The following TRAK1 variants were observed in gnomAD, a reference collection of about 807,000 sequenced individuals.
The protein encoded by TRAK1 is trafficking kinesin-binding protein 1.
Under a neutral mutation model 92.1 loss-of-function variants are expected in TRAK1, and 33 were observed. The ratio of observed to expected loss-of-function variants is 0.36; its 90% CI spans 0.27 to 0.48. The LOEUF is 0.48. Among genes scored for constraint, TRAK1 ranks in the 20% least tolerant of loss-of-function variants. TRAK1 has a pLI of 0.99. For missense variants in TRAK1, 1,123 were observed against 1,257.9 expected (o/e 0.89, Z 1.62); for synonymous variants, 521 against 517.3 (o/e 1.01, Z -0.10).
chr3:42,073,635 G>A (rs1384419968), intron 1 of TRAK1, among the ~76,000 whole-genome samples: 2 of 152,164 alleles, frequency 1.3e-5, no homozygotes, highest in East Asian at 1.9e-4. Context: ...GGCGGATAAC[G>A]GCTTCTTGAC....
At chr3:42,175,974 G>A (rs577516098) in intron 2 of TRAK1, among the ~76,000 whole-genome samples, 9 of 152,248 alleles carry the variant, frequency 5.9e-5, no homozygotes, top group African/African-American at 1.9e-4. Context: ...TAAAACTTAC[G>A]CTACCTTCTT....
chr3:42,209,160 G>A (rs3733052), intron 13 of TRAK1, among the ~76,000 whole-genome samples: 34,331 of 152,010 alleles, frequency 0.23, 4,398 homozygotes, highest in East Asian at 0.46. Flanking sequence ...TCCCTAACCC[G>A]GCAGCCTCTC....
At chr3:42,178,653 C>T (rs541502178) in intron 3 of TRAK1, among the ~76,000 whole-genome samples, 10 of 152,084 alleles carry the variant, frequency 6.6e-5, no homozygotes, top group African/African-American at 2.4e-4. Flanking sequence ...TTATATTGCC[C>T]AGGCTGATAT....
intron 1 of TRAK1, among the ~76,000 whole-genome samples, chr3:42,018,220 A>G (rs1398824999): frequency 6.6e-6 from 1 of 151,470 alleles, no homozygotes; most frequent in East Asian, 1.9e-4. Context: ...GTGAGCCATT[A>G]TTGCACCATT....
intron 10 of TRAK1, among the ~76,000 whole-genome samples, chr3:42,197,580 A>G (rs6769919): frequency 0.7 from 107,004 of 152,126 alleles, 38,093 homozygotes; most frequent in East Asian, 0.98. Context: ...TTTCTTCTCT[A>G]TTTGTAAATT....
intron 1 of TRAK1, among the ~76,000 whole-genome samples, chr3:42,112,464 G>A (rs1174878330): frequency 6.6e-6 from 1 of 150,760 alleles, no homozygotes; most frequent in Admixed American, 6.6e-5. Flanking sequence ...GTCAGGAGCA[G>A]TGGCTCATGC....
intron 14 of TRAK1, chr3:42,211,927 C>T (rs1416031528): frequency 2.0e-6 from 2 of 985,158 alleles, no homozygotes; most frequent in Non-Finnish European, 2.4e-6. Flanking sequence ...AAAGAATTAC[C>T]TAGGTTGCCA....
chr3:42,100,086 C>A (rs993698831), intron 1 of TRAK1, among the ~76,000 whole-genome samples: 13 of 152,102 alleles, frequency 8.5e-5, no homozygotes, highest in Admixed American at 8.5e-4. Context: ...AGGGTTAGGA[C>A]CAGTGGCTCA....
At chr3:42,113,073 A>C (rs1708672935) in intron 1 of TRAK1, among the ~76,000 whole-genome samples, 1 of 151,926 alleles carries the variant, frequency 6.6e-6, no homozygotes, top group African/African-American at 2.4e-5. Flanking sequence ...ACTTGGCCTA[A>C]CAATGTCATT....
chr3:42,129,477 T>C (rs1005346642), intron 2 of TRAK1, among the ~76,000 whole-genome samples: 1 of 152,124 alleles, frequency 6.6e-6, no homozygotes, highest in Admixed American at 6.6e-5. Flanking sequence ...TGGCCCTCAC[T>C]TGACTTCCTA....
intron 1 of TRAK1, among the ~76,000 whole-genome samples, chr3:42,073,986 C>A (rs556061085): frequency 4.4e-4 from 67 of 152,264 alleles, no homozygotes; most frequent in African/African-American, 1.6e-3. Flanking sequence ...CTTTGAGTTC[C>A]TTTGCCCCTG....
At chr3:42,167,881 A>G (rs751601595) in intron 2 of TRAK1, among the ~76,000 whole-genome samples, 8 of 152,220 alleles carry the variant, frequency 5.3e-5, no homozygotes, top group Admixed American at 2.0e-4. Flanking sequence ...ACTCCATCTC[A>G]AAAACAACAG....
chr3:42,116,886 C>T (rs1709232151), intron 1 of TRAK1, among the ~76,000 whole-genome samples: 1 of 152,166 alleles, frequency 6.6e-6, no homozygotes, highest in Non-Finnish European at 1.5e-5. Context: ...TTTTCTTGTT[C>T]TTTGTCACCT....
chr3:42,132,764 A>G (rs544853616), intron 2 of TRAK1, among the ~76,000 whole-genome samples: 1 of 152,084 alleles, frequency 6.6e-6, no homozygotes, highest in African/African-American at 2.4e-5. Flanking sequence ...CCTCTCTCCC[A>G]AGGCTGTAAT....
intron 2 of TRAK1, among the ~76,000 whole-genome samples, chr3:42,135,876 T>C (rs894408962): frequency 6.6e-6 from 1 of 152,210 alleles, no homozygotes; most frequent in Admixed American, 6.5e-5. Context: ...ACTGCCTGAA[T>C]ATGTTGCCAG....
intron 1 of TRAK1, among the ~76,000 whole-genome samples, chr3:42,066,454 G>C (rs77488722): frequency 5.3e-5 from 8 of 152,028 alleles, no homozygotes; most frequent in African/African-American, 1.9e-4. Context: ...AGCACCCAGC[G>C]TGGGAAGGCT....
chr3:42,060,857 C>G (rs933583489), intron 1 of TRAK1, among the ~76,000 whole-genome samples: 1 of 152,080 alleles, frequency 6.6e-6, no homozygotes, highest in Non-Finnish European at 1.5e-5. Flanking sequence ...TCTCGAACTC[C>G]TGACCTCAGT....
chr3:42,176,859 A>G lies in TRAK1; in HGVS notation c.332A>G (p.Asp111Gly). Residue 111 changes from aspartate (D) to glycine (G), a missense_variant, in exon 3 of 16, where the codon GAC becomes GGC. Coordinates refer to ENST00000327628, the MANE Select transcript of TRAK1 (RefSeq NM_001042646.3). ...GGCCAGATGACTAAGACATATAATG[A>G]CATAGATGCTGTCACTCGGCTTCTT... ...RVGQMTKTYN[D>G]IDAVTRLLEE... 4 of 1,614,138 alleles carry G rather than the reference A, an allele frequency of 2.5e-6. No homozygotes were observed. Among genetic ancestry groups the G allele is most frequent in the Non-Finnish European group, 3.4e-6 (4 of 1,179,990 alleles).
rs373199580 is a variant in TRAK1 at position 42,046,772 on chromosome 3, C to T, written c.-519+32655C>T. Among the ~76,000 whole-genome samples, 414 of 152,196 alleles carry T rather than the reference C, an allele frequency of 2.7e-3. 5 individuals carry two copies. Among genetic ancestry groups the T allele is most frequent in the South Asian group, 0.022 (105 of 4,824 alleles). Reference sequence around the variant, plus strand: ...TGGGTGGAAGAAATGTAAATTTTTCCCCCTAAGACTAATTCCCCATCATAA... The same window carrying T: ...TGGGTGGAAGAAATGTAAATTTTTCTCCCTAAGACTAATTCCCCATCATAA... On this transcript the variant is annotated intron_variant, in intron 1 of 16. Transcript: ENST00000487159.
Sources: gnomAD v4.1 joint callset for allele counts (sites outside exome capture counted in the v4.1 genomes callset) on GRCh38, gnomAD v4.1.1 for gene constraint, MANE v1.5 for transcripts, NCBI Gene and HGNC (gene_info 2026-07-23, HGNC 2026-07-21) for gene names.